INO80D: variants seen among roughly 807,000 people sequenced by gnomAD.
INO80D encodes INO80 complex subunit D.
A neutral mutation model predicts 87.6 loss-of-function variants in INO80D; 21 were observed. The observed-to-expected ratio is 0.24, with a 90% CI of 0.17 to 0.35. The LOEUF (loss-of-function observed/expected upper bound fraction) is 0.35, where lower values mean the gene tolerates loss of function less well. INO80D is among the 10% of genes least tolerant of loss of function. The pLI, the probability that INO80D is intolerant of heterozygous loss-of-function variation, is 1.00. For missense variants in INO80D, 982 were observed against 1,280.7 expected (o/e 0.77, Z 3.56); for synonymous variants, 440 against 491.0 (o/e 0.90, Z 1.37).
chr2:206,062,470 C>G lies in INO80D; in HGVS notation c.218+329G>C, dbSNP rs562881435. On this transcript the variant is annotated intron_variant, in intron 3 of 10. Transcript: ENST00000403263. This position sits in a 1 kb window ranked among gnomAD's most constrained non-coding sequence, Gnocchi z 4.6. ...TATAAGGCCATAAACCAAACAAATC[C>G]GTTTCAAGACTTCAAGCAGCAACTT... Among the ~76,000 whole-genome samples, 1 of 151,928 alleles carries G rather than the reference C, an allele frequency of 6.6e-6. No individual in the cohort carries two copies. Among genetic ancestry groups the G allele is most frequent in the African/African-American group, 2.4e-5 (1 of 41,372 alleles).
rs1260308849 is a variant in INO80D at position 205,998,627 on chromosome 2, A to G, written c.*5741T>C. 1 of 152,172 alleles carries G rather than the reference A, an allele frequency of 6.6e-6. No individual in the cohort carries two copies. The highest frequency in any genetic ancestry group is 1.5e-5 in the Non-Finnish European group (1 of 68,024). 9.4% of individuals were successfully genotyped at this position (152,172 alleles called of 1,614,324 possible). On this transcript the variant is annotated 3_prime_UTR_variant, in exon 11 of 11. Coordinates refer to ENST00000403263, the MANE Select transcript of INO80D (RefSeq NM_017759.5). ...TCTACAATAAGTATTCTGAAAGCTC[A>G]TTGGGGAAGGAAATTTTTAAATAAA...
chr2:206,069,421 A>T (rs1015891384), intron 1 of INO80D, among the ~76,000 whole-genome samples: 8 of 152,214 alleles, frequency 5.3e-5, no homozygotes, highest in Non-Finnish European at 1.2e-4. Context: ...TCTAGTTAAC[A>T]GTAGGCTAGT....
intron 8 of INO80D, among the ~76,000 whole-genome samples, chr2:206,012,153 C>G (rs1216720306): frequency 6.6e-6 from 1 of 152,198 alleles, no homozygotes. Context: ...AGGGCCTGCT[C>G]TAAAGGCTAC....
In INO80D at chr2:206,047,498, C is replaced by A. The variant is rs145684926; in HGVS notation, c.965-886G>T. Among the ~76,000 whole-genome samples, 3 of 152,144 alleles carry A rather than the reference C, an allele frequency of 2.0e-5. No homozygotes were observed. The East Asian group carries it at 5.8e-4, about 29-fold the overall frequency. ...CCTCCCAAAGTGCTGGGATTACAGG[C>A]GTGAGCCACCACATCTGGCCAGAAT... is the stretch of plus-strand genomic sequence containing the variant. On this transcript the variant is annotated intron_variant, in intron 4 of 10. Coordinates refer to ENST00000403263, the MANE Select transcript of INO80D (RefSeq NM_017759.5).
At chr2:206,074,265 CACTT>C (rs1224504307) in intron 1 of INO80D, among the ~76,000 whole-genome samples, 1 of 152,180 alleles carries the variant, frequency 6.6e-6, no homozygotes. Context: ...ACTCAAGTCT[CACTT>C]GCTGTAGAAA....
At chr2:206,048,047 G>C (rs1397487136) in intron 4 of INO80D, among the ~76,000 whole-genome samples, 3 of 151,890 alleles carry the variant, frequency 2.0e-5, no homozygotes, top group African/African-American at 7.2e-5. Flanking sequence ...AGTAGAGACG[G>C]GGTTTCACCG....
rs1048599277 is a variant in INO80D at position 205,995,745 on chromosome 2, A to G, written c.*8623T>C. On this transcript the variant is annotated 3_prime_UTR_variant, in exon 11 of 11. Coordinates refer to ENST00000403263, the MANE Select transcript of INO80D (RefSeq NM_017759.5). ...TAAAGGCACAATATATAGGGATGCA[A>G]GTTTTCTAGAGAGCTGCAGCAAAGT... is the stretch of plus-strand genomic sequence containing the variant. 1 of 152,118 alleles carries G rather than the reference A, an allele frequency of 6.6e-6. No homozygotes were observed. The highest frequency in any genetic ancestry group is 2.4e-5 in the African/African-American group (1 of 41,434). The allele number at this position is 152,118 out of a possible 1,614,324, so 9.4% of individuals were successfully genotyped here.
rs199740603 is a variant in INO80D at position 206,085,911 on chromosome 2, C to CT, written c.-135dup. ...GCCGCCTCTGCTTACCTTTCAGCTG[C>CT]TTTTTTTTTTCTCCTTCCCCCCTGT... On this transcript the variant is annotated 5_prime_UTR_variant, in exon 1 of 11. Coordinates refer to ENST00000403263, the MANE Select transcript of INO80D (RefSeq NM_017759.5). This position sits in a 1 kb window ranked among gnomAD's most constrained non-coding sequence, Gnocchi z 4.5. The CT allele has an allele frequency of 0.08, 11,872 of 149,238 alleles. 715 individuals carry two copies. Among genetic ancestry groups the CT allele is most frequent in the Admixed American group, 0.19 (2,867 of 15,034 alleles). 9.2% of individuals were successfully genotyped at this position (149,238 alleles called of 1,614,324 possible). A position where few individuals can be genotyped will look rare whatever the true frequency, so the allele number is the denominator to read the frequency against.
chr2:206,038,463 C>T (rs1688947992), intron 5 of INO80D, among the ~76,000 whole-genome samples: 1 of 152,170 alleles, frequency 6.6e-6, no homozygotes, highest in South Asian at 2.1e-4. Flanking sequence ...TATATGAATG[C>T]ATTGTTGGTC....
At chr2:206,060,571 T>TC (rs1177771524) in intron 3 of INO80D, among the ~76,000 whole-genome samples, 1 of 151,794 alleles carries the variant, frequency 6.6e-6, no homozygotes, top group Non-Finnish European at 1.5e-5. Context: ...GTGCTTTTTT[T>TC]TTTTTTGAGA....
chr2:206,074,337 G>A (rs1690052389), intron 1 of INO80D, among the ~76,000 whole-genome samples: 1 of 152,180 alleles, frequency 6.6e-6, no homozygotes, highest in East Asian at 1.9e-4. Context: ...GAAATAGCCG[G>A]GCACGGAGGG....
chr2:206,036,104 G>C (rs961221906), intron 5 of INO80D, among the ~76,000 whole-genome samples: 1 of 152,152 alleles, frequency 6.6e-6, no homozygotes, highest in Non-Finnish European at 1.5e-5. Context: ...ATGTTGGCAT[G>C]GATGTGGTGA....
rs1687862055 is a variant in INO80D, at chr2:205,999,192, CAAAA to C, written c.*5172_*5175del. 1 of 152,208 alleles carries C rather than the reference CAAAA, an allele frequency of 6.6e-6. No individual in the cohort carries two copies. The highest frequency in any genetic ancestry group is 1.9e-4 in the East Asian group (1 of 5,202). 9.4% of individuals were successfully genotyped at this position (152,208 alleles called of 1,614,324 possible). A position where few individuals can be genotyped will look rare whatever the true frequency, so the allele number is the denominator to read the frequency against. On this transcript the variant is annotated 3_prime_UTR_variant, in exon 11 of 11. Coordinates refer to ENST00000403263, the MANE Select transcript of INO80D (RefSeq NM_017759.5). The stretch of plus-strand genomic sequence containing the variant: ...GTCCCCAGCTTAAAAAACAAACAAA[CAAAA>C]ACAAACAAACGAAGAAAAAAGAAAC...
intron 3 of INO80D, among the ~76,000 whole-genome samples, chr2:206,059,590 A>G (rs1277511354): frequency 6.6e-6 from 1 of 152,172 alleles, no homozygotes; most frequent in Admixed American, 6.5e-5. Flanking sequence ...CACACACAGA[A>G]TATGTGTGGG....
chr2:206,047,403 G>A (rs1010514867), intron 4 of INO80D, among the ~76,000 whole-genome samples: 16 of 151,754 alleles, frequency 1.1e-4, no homozygotes, highest in African/African-American at 3.4e-4. Context: ...ATTTTTAGTA[G>A]AGATGGGGTT....
rs1358613705 is a variant in INO80D, at chr2:206,028,326, A to T, written c.1083T>A (p.Asp361Glu). The T allele has an allele frequency of 6.3e-7, 1 of 1,596,568 alleles. No individual in the cohort carries two copies. Among genetic ancestry groups the T allele is most frequent in the Non-Finnish European group, 8.6e-7 (1 of 1,166,366 alleles). The change falls in exon 6 of 11, where the codon GAT (aspartate) becomes GAA (glutamate). Residue 361 changes from aspartate to glutamate, a missense_variant. Coordinates refer to ENST00000403263, the MANE Select transcript of INO80D (RefSeq NM_017759.5). ...TGGAGCTCCTACTCTCCGCATCATC[A>T]TCATCTGACCTGGAAAGTGCAGGGA... ...TLRYQRHASD[D>E]DDAESRSSRV...
chr2:206,065,492 A>G (rs1689791255), intron 1 of INO80D, among the ~76,000 whole-genome samples: 1 of 152,088 alleles, frequency 6.6e-6, no homozygotes, highest in Admixed American at 6.6e-5. Flanking sequence ...AAAGAGAGAA[A>G]AAAAGATCTG....
intron 1 of INO80D, among the ~76,000 whole-genome samples, chr2:206,068,427 A>C (rs1306206686): frequency 6.6e-6 from 1 of 151,848 alleles, no homozygotes; most frequent in Non-Finnish European, 1.5e-5. Context: ...TCAGGTCAGC[A>C]AACTAAACTA....
chr2:206,016,056 G>C (rs2105812455), intron 8 of INO80D, among the ~76,000 whole-genome samples: 1 of 152,236 alleles, frequency 6.6e-6, no homozygotes, highest in African/African-American at 2.4e-5. Context: ...TGAGAAGAGG[G>C]CCACCATCCT....
Sources: gnomAD v4.1 joint callset for allele counts (sites outside exome capture counted in the v4.1 genomes callset) on GRCh38, gnomAD v4.1.1 for gene constraint, Gnocchi (gnomAD v3.1) non-coding constraint, MANE v1.5 for transcripts, NCBI Gene and HGNC (gene_info 2026-07-23, HGNC 2026-07-21) for gene names.